The following DPP8 variants were observed in gnomAD, a reference collection of about 807,000 sequenced individuals.
DPP8 encodes the protein DPP VIII.
DPP8 carries 31 observed loss-of-function variants against 107.5 expected under a neutral mutation model. That is an observed-to-expected ratio of 0.29 (90% CI 0.22 to 0.39). DPP8 has a LOEUF of 0.39. Ranked by LOEUF, DPP8 falls within the 10% of genes least tolerant of loss-of-function variation. DPP8 has a pLI of 1.00. For missense variants in DPP8, 842 were observed against 1,076.1 expected (o/e 0.78, Z 3.04); for synonymous variants, 381 against 356.6 (o/e 1.07, Z -0.77).
Position 65,445,379 on chromosome 15 carries a change from C to T in DPP8, c.*1505G>A, listed in dbSNP as rs1355015467. On this transcript the variant is annotated 3_prime_UTR_variant, in exon 20 of 20. Coordinates refer to ENST00000300141, the MANE Select transcript of DPP8 (RefSeq NM_130434.5). ...ATAAAAAGCATCAAACTCATAGATG[C>T]CTTCCCTGCCACTGGTGTCAATGTG... 1.3e-5 allele frequency: 2 copies of T among 152,334 alleles called. No homozygotes were observed. The highest frequency in any genetic ancestry group is 2.9e-5 in the Non-Finnish European group (2 of 68,028). 9.4% of individuals were successfully genotyped at this position (152,334 alleles called of 1,614,324 possible).
rs1344467688 is a variant in DPP8 at position 65,480,266 on chromosome 15, T to A, written c.1252A>T (p.Thr418Ser). 9.3e-6 allele frequency: 15 copies of A among 1,613,852 alleles called. No individual in the cohort carries two copies. Among genetic ancestry groups the A allele is most frequent in the Non-Finnish European group, 1.3e-5 (15 of 1,179,946 alleles). The change falls in exon 10 of 20, where the codon ACG becomes TCG. Residue 418 changes from threonine (T) to serine (S), a missense_variant. Physicochemically the swap from Thr to Ser is moderately conservative, Grantham distance 58. Coordinates refer to ENST00000300141, the MANE Select transcript of DPP8 (RefSeq NM_130434.5). ...GTTTCTTCATAGATAATTAGTGGCG[T>A]CACAGAATCAGGCACTGACTCAATG... ...RLIESVPDSV[T>S]PLIIYEETTD...
rs1276132400 is a variant in DPP8, at chr15:65,454,399, T to C, written c.2135A>G (p.Asp712Gly). 2.5e-6 allele frequency: 4 copies of C among 1,595,968 alleles called. No homozygotes were observed. Among genetic ancestry groups the C allele is most frequent in the African/African-American group, 2.7e-5 (2 of 73,662 alleles). The change falls in exon 17 of 20, where the codon GAC (aspartate) becomes GGC (glycine). Residue 712 changes from aspartate to glycine, a missense_variant. Transcript: ENST00000300141. Reference protein sequence around the residue: ...FKYKMGQIEIDDQVEGLQYLA... With the variant: ...FKYKMGQIEIGDQVEGLQYLA... ...ATATTGGAGTCCTTCCACCTGATCG[T>C]CAATTTCTATTTGACCCTGTCAAAA...
intron 14 of DPP8, among the ~76,000 whole-genome samples, chr15:65,464,989 GA>G (rs1304979384): frequency 6.6e-6 from 1 of 151,934 alleles, no homozygotes; most frequent in Non-Finnish European, 1.5e-5. Flanking sequence ...CCAGAACTCA[GA>G]AAAAAGTCAT....
Position 65,462,765 on chromosome 15 carries a change from C to T in DPP8, c.1971+996G>A, listed in dbSNP as rs574743237. Among the ~76,000 whole-genome samples, 11 of 152,004 alleles carry T rather than the reference C, an allele frequency of 7.2e-5. No individual in the cohort carries two copies. The East Asian group carries it at 1.9e-3, about 27-fold the overall frequency. Reference sequence around the variant, plus strand: ...CAGCTAATTTTTATATTTTTAGTAGCGATAGGGTTTCATCATTGTTGGCCA... The same window carrying T: ...CAGCTAATTTTTATATTTTTAGTAGTGATAGGGTTTCATCATTGTTGGCCA... On this transcript the variant is annotated intron_variant, in intron 15 of 19. Transcript: ENST00000300141.
At position 65,472,085 on chromosome 15, in the gene DPP8, T is replaced by C. The variant is rs184215166; in HGVS notation, c.1536+2124A>G. On this transcript the variant is annotated intron_variant, in intron 12 of 19. Coordinates refer to ENST00000300141, the MANE Select transcript of DPP8 (RefSeq NM_130434.5). ...CAAGGTACTTCAAAAACGCAATTTT[T>C]TTTTCTTTAAAGAATTCACTGAATT... 3.4e-4 allele frequency among the ~76,000 whole-genome samples: 52 copies of C among 152,256 alleles called. No homozygotes were observed. In the East Asian group the frequency reaches 5.8e-3, roughly 17 times the overall value.
intron 12 of DPP8, among the ~76,000 whole-genome samples, chr15:65,471,796 A>G (rs1252900813): frequency 1.3e-5 from 2 of 152,160 alleles, no homozygotes; most frequent in Non-Finnish European, 2.9e-5. Context: ...CAGATACTCT[A>G]AAGTTTTTAC....
rs1423824147 is a variant in DPP8, at chr15:65,475,091, AAAAT to A, written c.1457-807_1457-804del. Among the ~76,000 whole-genome samples, 10 of 152,296 alleles carry A rather than the reference AAAAT, an allele frequency of 6.6e-5. No individual in the cohort carries two copies. In the East Asian group the frequency reaches 1.7e-3, roughly 26 times the overall value. On this transcript the variant is annotated intron_variant, in intron 11 of 19. Coordinates refer to ENST00000300141, the MANE Select transcript of DPP8 (RefSeq NM_130434.5). ...CTTTCCCAAGACATTTTCAGATTTA[AAAAT>A]AAATAAAGTCAGTGTTAAAGGTGTT...
intron 2 of DPP8, chr15:65,511,848 A>T (rs2070828429): frequency 4.1e-6 from 1 of 242,820 alleles, no homozygotes; most frequent in South Asian, 5.0e-5. Context: ...CAAACAAGAA[A>T]GTAAATCAGT....
intron 14 of DPP8, among the ~76,000 whole-genome samples, chr15:65,464,961 A>T (rs1013888802): frequency 6.6e-6 from 1 of 152,148 alleles, no homozygotes; most frequent in Non-Finnish European, 1.5e-5. Flanking sequence ...GCTTCTGATC[A>T]TTAGAAAATA....
intron 6 of DPP8, 45 bp downstream of exon 6, chr15:65,490,144 C>T (rs2067885292): frequency 1.0e-6 from 1 of 982,140 alleles, no homozygotes; most frequent in Non-Finnish European, 1.6e-6. Context: ...TGAATCTTAA[C>T]AATACTTTAA....
At chr15:65,504,753 G>A (rs2069743012) in intron 3 of DPP8, among the ~76,000 whole-genome samples, 1 of 151,684 alleles carries the variant, frequency 6.6e-6, no homozygotes, top group Non-Finnish European at 1.5e-5. Context: ...AGGTCAAGGT[G>A]GGAGGATCGC....
At chr15:65,506,495 T>C (rs1254805686) in intron 3 of DPP8, among the ~76,000 whole-genome samples, 1 of 151,892 alleles carries the variant, frequency 6.6e-6, no homozygotes, top group Admixed American at 6.6e-5. Flanking sequence ...ACGCCTGTAA[T>C]CTCAGCACTG....
Position 65,495,821 on chromosome 15 carries a change from G to T in DPP8, c.715+2043C>A, listed in dbSNP as rs1363236306. 6.0e-5 allele frequency among the ~76,000 whole-genome samples: 9 copies of T among 149,538 alleles called. No individual in the cohort carries two copies. In the East Asian group the frequency reaches 1.8e-3, roughly 30 times the overall value. On this transcript the variant is annotated intron_variant, in intron 5 of 19. Coordinates refer to ENST00000300141, the MANE Select transcript of DPP8 (RefSeq NM_130434.5). Reference sequence around the variant, plus strand: ...CACCTGAACCCGAGAGGCGAAGGTTGCAGTGAGCAGAGATCACACCACTGC... The same window carrying T: ...CACCTGAACCCGAGAGGCGAAGGTTTCAGTGAGCAGAGATCACACCACTGC...
intron 11 of DPP8, chr15:65,475,324 G>C (rs2066283103): frequency 2.0e-6 from 2 of 1,020,784 alleles, no homozygotes; most frequent in African/African-American, 3.1e-5. Flanking sequence ...TGGGTCAGCT[G>C]CTGCCCCGAG....
intron 15 of DPP8, among the ~76,000 whole-genome samples, chr15:65,460,948 A>G (rs2064868455): frequency 6.6e-6 from 1 of 152,214 alleles, no homozygotes; most frequent in South Asian, 2.1e-4. Context: ...CTCACCAGCA[A>G]TGAACCAGGC....
chr15:65,448,803 A>G (rs1439923244), intron 19 of DPP8, among the ~76,000 whole-genome samples: 1 of 138,224 alleles, frequency 7.2e-6, no homozygotes, highest in African/African-American at 2.6e-5. Flanking sequence ...TATAATATAT[A>G]AAATATACAT....
chr15:65,448,737 ATATC>A (rs2063679799), intron 19 of DPP8, among the ~76,000 whole-genome samples: 2 of 127,018 alleles, frequency 1.6e-5, no homozygotes, highest in Admixed American at 7.7e-5. Flanking sequence ...ATATACATAT[ATATC>A]TAAAATATAC....
chr15:65,449,247 A>G (rs1277768594), intron 19 of DPP8, among the ~76,000 whole-genome samples: 1 of 146,744 alleles, frequency 6.8e-6, no homozygotes, highest in Non-Finnish European at 1.5e-5. Context: ...ATATATATAT[A>G]TAATTTAAAA....
chr15:65,454,428 G>A lies in DPP8; in HGVS notation c.2119-13C>T, dbSNP rs1415755204. On this transcript the variant is annotated splice_polypyrimidine_tract_variant and intron_variant, in intron 16 of 19. Coordinates refer to ENST00000300141, the MANE Select transcript of DPP8 (RefSeq NM_130434.5). Reference sequence around the variant, plus strand: ...TTTCTATTTGACCCTGTCAAAAAAGGGAGAACATTTCACTGATTCTGATGA... The same window carrying A: ...TTTCTATTTGACCCTGTCAAAAAAGAGAGAACATTTCACTGATTCTGATGA... 5 of 1,581,106 alleles carry A rather than the reference G, an allele frequency of 3.2e-6. No homozygotes were observed. Among genetic ancestry groups the A allele is most frequent in the East Asian group, 4.7e-5 (2 of 42,272 alleles).
Sources: gnomAD v4.1 joint callset for allele counts (sites outside exome capture counted in the v4.1 genomes callset) on GRCh38, gnomAD v4.1.1 for gene constraint, MANE v1.5 for transcripts, NCBI Gene and HGNC (gene_info 2026-07-23, HGNC 2026-07-21) for gene names.